Variants in SH3RF3 observed in about 807,000 individuals in gnomAD.
The protein encoded by SH3RF3 is E3 ubiquitin-protein ligase SH3RF3.
In SH3RF3, 29 loss-of-function variants were observed where a neutral mutation model predicts 66.3. The ratio of observed to expected loss-of-function variants is 0.44; its 90% CI spans 0.33 to 0.60. SH3RF3 has a LOEUF of 0.60. Ranked by LOEUF, SH3RF3 falls within the 20% of genes least tolerant of loss-of-function variation. SH3RF3 has a pLI of 0.04. For missense variants in SH3RF3, 1,194 were observed against 1,190.9 expected, an observed-to-expected ratio of 1.00 and a Z score of -0.04; for synonymous variants, 583 against 532.0, an observed-to-expected ratio of 1.10 and a Z score of -1.32.
At chr2:109,240,671 G>A (rs1350483164) in intron 1 of SH3RF3, among the ~76,000 whole-genome samples, 3 of 152,082 alleles carry the variant, frequency 2.0e-5, no homozygotes, top group Non-Finnish European at 2.9e-5. Flanking sequence ...ACACGAACCA[G>A]AGAGGCCATT....
intron 7 of SH3RF3, among the ~76,000 whole-genome samples, chr2:109,446,072 T>A (rs548580149): frequency 6.6e-6 from 1 of 152,224 alleles, no homozygotes; most frequent in Non-Finnish European, 1.5e-5. Flanking sequence ...TGGGCTACTT[T>A]GGCATCACTA....
At chr2:109,178,054 G>A (rs913953953) in intron 1 of SH3RF3, among the ~76,000 whole-genome samples, 8 of 152,064 alleles carry the variant, frequency 5.3e-5, no homozygotes, top group Non-Finnish European at 1.0e-4. Flanking sequence ...CTTTGCTAAG[G>A]TATAAGCAAA....
intron 2 of SH3RF3, among the ~76,000 whole-genome samples, chr2:109,362,016 T>C (rs1683058612): frequency 6.6e-6 from 1 of 152,188 alleles, no homozygotes; most frequent in Non-Finnish European, 1.5e-5. Flanking sequence ...TTTTAAAGAT[T>C]AATTTATTGA....
intron 8 of SH3RF3, among the ~76,000 whole-genome samples, chr2:109,488,802 A>G (rs1573293193): frequency 6.6e-6 from 1 of 152,334 alleles, no homozygotes; most frequent in East Asian, 1.9e-4. Flanking sequence ...CCTATTGCTC[A>G]CAACCTCCAG....
At chr2:109,449,614 T>A in intron 8 of SH3RF3, 125 bp downstream of exon 8, 2 of 1,233,384 alleles carry the variant, frequency 1.6e-6, no homozygotes, top group Non-Finnish European at 2.2e-6. Flanking sequence ...TGCCTGCCCC[T>A]AGATGAACCA....
chr2:109,287,818 G>A (rs373630780), intron 1 of SH3RF3, among the ~76,000 whole-genome samples: 11 of 152,244 alleles, frequency 7.2e-5, no homozygotes, highest in East Asian at 3.9e-4. Flanking sequence ...GTTTTAGGGC[G>A]CTGCACTCTC....
intron 1 of SH3RF3, among the ~76,000 whole-genome samples, chr2:109,217,864 A>G (rs996655847): frequency 4.6e-5 from 7 of 152,218 alleles, no homozygotes; most frequent in African/African-American, 1.7e-4. Flanking sequence ...TCTCCCCCAT[A>G]CAGGGGATCT....
chr2:109,455,296 C>G (rs539253020), intron 8 of SH3RF3, among the ~76,000 whole-genome samples: 1 of 152,224 alleles, frequency 6.6e-6, no homozygotes, highest in South Asian at 2.1e-4. Flanking sequence ...CCTTCTGGGT[C>G]CACATTGGAC....
intron 2 of SH3RF3, among the ~76,000 whole-genome samples, chr2:109,366,333 A>G (rs1004415751): frequency 6.6e-6 from 1 of 152,216 alleles, no homozygotes; most frequent in South Asian, 2.1e-4. Context: ...ATATAATGGA[A>G]TGTCTCTGTG....
intron 8 of SH3RF3, among the ~76,000 whole-genome samples, chr2:109,482,991 CTG>C (rs1678874418): frequency 6.6e-6 from 1 of 152,218 alleles, no homozygotes; most frequent in Non-Finnish European, 1.5e-5. Context: ...CACAATTTTT[CTG>C]TTTCTTTTAA....
intron 1 of SH3RF3, among the ~76,000 whole-genome samples, chr2:109,138,415 T>C (rs566949179): frequency 1.0e-3 from 154 of 152,352 alleles, no homozygotes; most frequent in African/African-American, 3.6e-3. Flanking sequence ...CTTGGGAGTT[T>C]AGCTGTAAAA....
intron 1 of SH3RF3, among the ~76,000 whole-genome samples, chr2:109,211,693 G>A (rs1459474293): frequency 6.6e-6 from 1 of 151,564 alleles, no homozygotes; most frequent in East Asian, 1.9e-4. Context: ...CACCCAGGGT[G>A]GAGTGCAATG....
rs1003571723 is a variant in SH3RF3 at position 109,238,819 on chromosome 2, C to T, written c.573+108706C>T. On this transcript the variant is annotated intron_variant, in intron 1 of 9. Coordinates refer to ENST00000309415, the MANE Select transcript of SH3RF3 (RefSeq NM_001099289.3). ...CTGATGAAACCCGGCGAGGTGTGGT[C>T]TGCCCTGGAGGACAGCAGCCAGTGT... Among the ~76,000 whole-genome samples the T allele has an allele frequency of 2.0e-5, 3 of 152,234 alleles. No homozygotes were observed. In the East Asian group the frequency reaches 5.8e-4, roughly 29 times the overall value.
At chr2:109,357,708 G>C (rs1007277411) in intron 2 of SH3RF3, among the ~76,000 whole-genome samples, 5 of 152,168 alleles carry the variant, frequency 3.3e-5, no homozygotes. Context: ...GGGCACTGTA[G>C]TTTGCTCATT....
intron 6 of SH3RF3, among the ~76,000 whole-genome samples, chr2:109,433,324 AT>A (rs1218752963): frequency 6.6e-6 from 1 of 152,132 alleles, no homozygotes; most frequent in African/African-American, 2.4e-5. Context: ...GTGGTAATAT[AT>A]TTTTTTCTTT....
intron 1 of SH3RF3, among the ~76,000 whole-genome samples, chr2:109,138,367 A>T (rs1170185408): frequency 6.6e-6 from 1 of 152,184 alleles, no homozygotes; most frequent in East Asian, 1.9e-4. Context: ...GGGAGAAAGT[A>T]GTGGGGTTTC....
Position 109,409,148 on chromosome 2 carries a change from C to T in SH3RF3, c.1299+10205C>T, listed in dbSNP as rs373232423. On this transcript the variant is annotated intron_variant, in intron 4 of 9. Transcript: ENST00000309415. ...CCATATTCCACTGTTTTGATCCATT[C>T]GCCTTAGTAATATTGTGGGAATTCC... Among the ~76,000 whole-genome samples the T allele has an allele frequency of 1.2e-4, 18 of 152,312 alleles. No homozygotes were observed. In the East Asian group the frequency reaches 2.1e-3, roughly 18 times the overall value.
intron 4 of SH3RF3, among the ~76,000 whole-genome samples, chr2:109,403,404 T>C (rs976583943): frequency 9.2e-5 from 14 of 152,364 alleles, no homozygotes; most frequent in Middle Eastern, 3.4e-3. Context: ...GTTCATTGTT[T>C]CCACTTCAGA....
intron 1 of SH3RF3, among the ~76,000 whole-genome samples, chr2:109,170,279 CT>C (rs1558938219): frequency 1.6e-5 from 2 of 125,010 alleles, no homozygotes; most frequent in East Asian, 3.7e-4. Context: ...CTTCTCTTCT[CT>C]TCTCTTCTCT....
Sources: gnomAD v4.1 joint callset for allele counts (sites outside exome capture counted in the v4.1 genomes callset) on GRCh38, gnomAD v4.1.1 for gene constraint, MANE v1.5 for transcripts, NCBI Gene and HGNC (gene_info 2026-07-23, HGNC 2026-07-21) for gene names.